PAPPA2: variants seen among roughly 807,000 people sequenced by gnomAD.
PAPPA2 encodes pappalysin 2, also known as pappalysin-2.
Under a neutral mutation model 176.4 loss-of-function variants are expected in PAPPA2, and 86 were observed. That is an observed-to-expected ratio of 0.49 (90% CI 0.41 to 0.58). The LOEUF (loss-of-function observed/expected upper bound fraction) is 0.58. Ranked by LOEUF, PAPPA2 falls within the 20% of genes least tolerant of loss-of-function variation. The probability of loss-of-function intolerance (pLI) is 0.00; values close to 1 mark genes in which losing one functional copy is unlikely to be tolerated. For synonymous variants in PAPPA2, 809 were observed against 852.2 expected (o/e 0.95, Z 0.88); for missense variants, 2,073 against 2,256.9 (o/e 0.92, Z 1.65).
At chr1:176,769,220 C>A (rs1664110731) in intron 15 of PAPPA2, among the ~76,000 whole-genome samples, 1 of 152,194 alleles carries the variant, frequency 6.6e-6, no homozygotes, top group Non-Finnish European at 1.5e-5. Context: ...CCTCTCCAGG[C>A]TGCTGACACT....
At chr1:176,673,435 C>G (rs1659117417) in intron 4 of PAPPA2, among the ~76,000 whole-genome samples, 1 of 152,112 alleles carries the variant, frequency 6.6e-6, no homozygotes, top group African/African-American at 2.4e-5. Context: ...GATGCACACT[C>G]CCATCACCAA....
chr1:176,731,937 T>C (rs1662178606), intron 12 of PAPPA2, among the ~76,000 whole-genome samples: 1 of 152,136 alleles, frequency 6.6e-6, no homozygotes, highest in South Asian at 2.1e-4. Context: ...TAAACCTCAT[T>C]GTTTATCAGA....
At chr1:176,693,477 T>G (rs1295978767) in intron 6 of PAPPA2, among the ~76,000 whole-genome samples, 1 of 152,216 alleles carries the variant, frequency 6.6e-6, no homozygotes, top group African/African-American at 2.4e-5. Context: ...GCACCACACT[T>G]TCCCTCTGGG....
chr1:176,525,806 G>T (rs1649465870), intron 1 of PAPPA2, among the ~76,000 whole-genome samples: 1 of 152,202 alleles, frequency 6.6e-6, no homozygotes. Context: ...CTTGCTGCAG[G>T]TATTCACCTG....
At chr1:176,769,226 A>G (rs1209223985) in intron 15 of PAPPA2, among the ~76,000 whole-genome samples, 1 of 152,208 alleles carries the variant, frequency 6.6e-6, no homozygotes, top group Non-Finnish European at 1.5e-5. Context: ...CAGGCTGCTG[A>G]CACTGTGTCC....
At chr1:176,584,671 C>T (rs1397289903) in intron 2 of PAPPA2, among the ~76,000 whole-genome samples, 2 of 95,386 alleles carry the variant, frequency 2.1e-5, no homozygotes, top group African/African-American at 4.0e-5. Context: ...CTTACTTTCT[C>T]TCTTTTTGTT....
At chr1:176,698,950 G>A (rs1015740298) in intron 7 of PAPPA2, 150 bp from the exon 8 acceptor site, 5 of 943,350 alleles carry the variant, frequency 5.3e-6, no homozygotes, top group Non-Finnish European at 6.3e-6. Flanking sequence ...GTTCTTACTA[G>A]TACTTAAGAT....
At position 176,845,545 on chromosome 1, in the gene PAPPA2, CA is replaced by C. The variant is rs1667632508; in HGVS notation, c.*3092del. On this transcript the variant is annotated 3_prime_UTR_variant, in exon 23 of 23. Coordinates refer to ENST00000367662, the MANE Select transcript of PAPPA2 (RefSeq NM_020318.3). ...ACTGTATTGTAATGTAAAACAGCTA[CA>C]GCCAGTTATTTTGTAAGATTATAAG... The C allele has an allele frequency of 6.6e-6, 1 of 152,178 alleles. No individual in the cohort carries two copies. Among genetic ancestry groups the C allele is most frequent in the Admixed American group, 6.5e-5 (1 of 15,270 alleles). The allele number at this position is 152,178 out of a possible 1,614,324, so 9.4% of individuals were successfully genotyped here.
At position 176,565,524 on chromosome 1, in the gene PAPPA2, A is replaced by C. The variant is rs763881407; in HGVS notation, c.919+8283A>C. On this transcript the variant is annotated intron_variant, in intron 2 of 22. Coordinates refer to ENST00000367662, the MANE Select transcript of PAPPA2 (RefSeq NM_020318.3). ...AGCCTGGGAAATATGACGAAACCCCATCTCTACAAAACATACAAAAATTAG... is the reference window on the plus strand; with the variant it reads ...AGCCTGGGAAATATGACGAAACCCCCTCTCTACAAAACATACAAAAATTAG... Among the ~76,000 whole-genome samples the C allele has an allele frequency of 1.5e-3, 231 of 152,248 alleles. 4 individuals carry two copies. Among genetic ancestry groups the C allele is most frequent in the Non-Finnish European group, 3.8e-4 (26 of 68,018 alleles).
chr1:176,728,970 T>A (rs2102859180), intron 12 of PAPPA2, among the ~76,000 whole-genome samples: 1 of 152,114 alleles, frequency 6.6e-6, no homozygotes, highest in East Asian at 1.9e-4. Flanking sequence ...GGTATCTTAC[T>A]TTTGTTATGT....
intron 1 of PAPPA2, among the ~76,000 whole-genome samples, chr1:176,501,285 T>A (rs577043363): frequency 5.3e-5 from 8 of 152,098 alleles, no homozygotes; most frequent in Admixed American, 5.2e-4. Context: ...CCCTATTTTT[T>A]AGTTATCACG....
chr1:176,775,426 AT>A (rs938485917), intron 17 of PAPPA2, among the ~76,000 whole-genome samples: 9 of 152,214 alleles, frequency 5.9e-5, no homozygotes, highest in African/African-American at 1.7e-4. Context: ...TATATAAGTA[AT>A]TTTTTTCTAA....
At chr1:176,609,048 G>T (rs948160952) in intron 3 of PAPPA2, among the ~76,000 whole-genome samples, 1 of 152,126 alleles carries the variant, frequency 6.6e-6, no homozygotes, top group African/African-American at 2.4e-5. Context: ...TTACAGACTA[G>T]GGAGCCTAGA....
rs1429954765 is a variant in PAPPA2 at position 176,781,156 on chromosome 1, C to T, written c.4716-8653C>T. On this transcript the variant is annotated intron_variant, in intron 17 of 22. Transcript: ENST00000367662. ...TCAGCAATGGAAAATGGAGAAGGGGCCCCAAACTTGGGTTTAGGTGTTCAG... is the reference window on the plus strand; with the variant it reads ...TCAGCAATGGAAAATGGAGAAGGGGTCCCAAACTTGGGTTTAGGTGTTCAG... 5.9e-5 allele frequency among the ~76,000 whole-genome samples: 9 copies of T among 152,028 alleles called. No individual in the cohort carries two copies. The East Asian group carries it at 1.6e-3, about 26-fold the overall frequency.
intron 5 of PAPPA2, chr1:176,691,309 C>A: frequency 2.4e-6 from 1 of 417,714 alleles, no homozygotes; most frequent in Non-Finnish European, 3.2e-6. Context: ...ACACCCTGGT[C>A]ATGACTTTGA....
chr1:176,526,064 C>T (rs2102545066), intron 1 of PAPPA2, among the ~76,000 whole-genome samples: 1 of 152,268 alleles, frequency 6.6e-6, no homozygotes, highest in South Asian at 2.1e-4. Flanking sequence ...GTTGCCTCTC[C>T]TTGGTGACTG....
At chr1:176,523,038 C>T (rs1649292671) in intron 1 of PAPPA2, among the ~76,000 whole-genome samples, 1 of 152,206 alleles carries the variant, frequency 6.6e-6, no homozygotes, top group Non-Finnish European at 1.5e-5. Context: ...AATATGACTT[C>T]TTGGTATGCC....
At chr1:176,606,631 AT>A (rs1188987777) in intron 3 of PAPPA2, among the ~76,000 whole-genome samples, 2 of 152,002 alleles carry the variant, frequency 1.3e-5, no homozygotes, top group East Asian at 1.9e-4. Context: ...TGCCTGGCTA[AT>A]TTTTGTATTT....
At chr1:176,644,284 G>A (rs1018912393) in intron 3 of PAPPA2, among the ~76,000 whole-genome samples, 2 of 151,744 alleles carry the variant, frequency 1.3e-5, no homozygotes, top group African/African-American at 4.8e-5. Context: ...AACTTCTGGG[G>A]AAGTCGTGAG....
Sources: allele counts gnomAD v4.1 joint callset (sites outside exome capture counted in the v4.1 genomes callset), GRCh38; gene constraint gnomAD v4.1.1; transcripts MANE v1.5; gene names NCBI Gene and HGNC (gene_info 2026-07-23, HGNC 2026-07-21).